RBBP8: variants seen among roughly 807,000 people sequenced by gnomAD.
RBBP8 encodes the protein DNA endonuclease RBBP8.
RBBP8 carries 88 observed loss-of-function variants against 108.3 expected under a neutral mutation model. The observed-to-expected ratio is 0.81, with a 90% confidence interval of 0.68 to 0.97. RBBP8 has a LOEUF of 0.97. Ranked by LOEUF, RBBP8 falls within the 50% of genes least tolerant of loss-of-function variation. The probability of loss-of-function intolerance (pLI) is 0.00; values close to 1 mark genes in which losing one functional copy is unlikely to be tolerated. For missense variants in RBBP8, 1,023 were observed against 1,049.0 expected (o/e 0.98, Z 0.34); for synonymous variants, 332 against 348.2 (o/e 0.95, Z 0.52).
At chr18:22,996,870 A>G (rs2045868545) in intron 13 of RBBP8, among the ~76,000 whole-genome samples, 1 of 152,090 alleles carries the variant, frequency 6.6e-6, no homozygotes, top group Admixed American at 6.6e-5. Context: ...GGCAGTGCAT[A>G]CCTGTAGTCC....
At chr18:22,986,193 A>G (rs1915315648) in intron 8 of RBBP8, among the ~76,000 whole-genome samples, 1 of 152,114 alleles carries the variant, frequency 6.6e-6, no homozygotes, top group Admixed American at 6.6e-5. Flanking sequence ...GGAACCAACA[A>G]AACAGAGAAG....
At chr18:23,023,032 G>A (rs2054294866) in intron 18 of RBBP8, among the ~76,000 whole-genome samples, 1 of 151,690 alleles carries the variant, frequency 6.6e-6, no homozygotes, top group African/African-American at 2.4e-5. Flanking sequence ...AAGTAGCTAG[G>A]ACTACAGCCT....
chr18:22,978,228 A>G (rs753644000), intron 6 of RBBP8, among the ~76,000 whole-genome samples: 7 of 152,222 alleles, frequency 4.6e-5, no homozygotes, highest in Non-Finnish European at 8.8e-5. Context: ...GAAGAAACCA[A>G]CTAAAACAGT....
chr18:22,950,913 T>A (rs924276534), intron 4 of RBBP8, among the ~76,000 whole-genome samples: 6 of 152,178 alleles, frequency 3.9e-5, no homozygotes, highest in Non-Finnish European at 8.8e-5. Flanking sequence ...CTTAAAAAAA[T>A]TTTTTTCTTG....
intron 4 of RBBP8, among the ~76,000 whole-genome samples, chr18:22,963,719 G>C (rs746898041): frequency 6.6e-6 from 1 of 151,928 alleles, no homozygotes; most frequent in African/African-American, 2.4e-5. Flanking sequence ...TTTCTGAGAC[G>C]GAGTGTATGA....
chr18:23,022,091 ATTC>A (rs1052011407), intron 17 of RBBP8, 35 bp from the exon 18 acceptor site: 1 of 1,480,602 alleles, frequency 6.8e-7, no homozygotes, highest in African/African-American at 1.4e-5. Flanking sequence ...TCCATTTATT[ATTC>A]TTTAGTGAAA....
At chr18:23,011,207 A>G (rs1221414846) in intron 16 of RBBP8, among the ~76,000 whole-genome samples, 1 of 152,154 alleles carries the variant, frequency 6.6e-6, no homozygotes, top group Non-Finnish European at 1.5e-5. Context: ...TTACACTTCT[A>G]TTTAAGGTAT....
intron 7 of RBBP8, among the ~76,000 whole-genome samples, chr18:22,984,320 A>G (rs151045663): frequency 2.0e-3 from 305 of 152,336 alleles, no homozygotes; most frequent in Middle Eastern, 0.017. Flanking sequence ...CCGAAAATAG[A>G]AACTCTAAAA....
intron 15 of RBBP8, among the ~76,000 whole-genome samples, chr18:23,002,551 A>G (rs890945466): frequency 2.0e-5 from 3 of 152,222 alleles, no homozygotes; most frequent in Non-Finnish European, 4.4e-5. Context: ...CAGTAACTTT[A>G]TAATGTAGGA....
At chr18:22,980,186 T>C (rs1598698918) in intron 6 of RBBP8, among the ~76,000 whole-genome samples, 1 of 151,884 alleles carries the variant, frequency 6.6e-6, no homozygotes, top group Non-Finnish European at 1.5e-5. Flanking sequence ...GCAGAGGTTG[T>C]AGTGAGCCGA....
chr18:23,005,960 G>A (rs537163521), intron 15 of RBBP8, among the ~76,000 whole-genome samples: 3 of 151,972 alleles, frequency 2.0e-5, no homozygotes, highest in East Asian at 2.0e-4. Flanking sequence ...GCCGAGGCGG[G>A]CGGATCATGA....
intron 6 of RBBP8, among the ~76,000 whole-genome samples, chr18:22,978,749 G>C (rs1914672704): frequency 6.6e-6 from 1 of 152,096 alleles, no homozygotes. Context: ...TACAGGAAGA[G>C]ATTAAAAAAT....
In RBBP8 at chr18:22,945,457, A is replaced by T. The variant is rs146855605; in HGVS notation, c.110-987A>T. ...CGCTGGAGTGCAATGGCGGGATCTC[A>T]GCTCACCGCAGCCTCTGCCTCCCGG... On this transcript the variant is annotated intron_variant, in intron 2 of 18. Transcript: ENST00000327155. Among the ~76,000 whole-genome samples, 174 of 151,870 alleles carry T rather than the reference A, an allele frequency of 1.1e-3. 1 individual carries two copies. In the East Asian group the frequency reaches 0.03, roughly 26 times the overall value.
chr18:22,962,418 C>T (rs570948377), intron 4 of RBBP8, among the ~76,000 whole-genome samples: 26 of 152,254 alleles, frequency 1.7e-4, no homozygotes, highest in Admixed American at 6.5e-4. Context: ...TACATCTCCT[C>T]GCAAATGTTA....
At chr18:23,003,546 T>G (rs1567993610) in intron 15 of RBBP8, among the ~76,000 whole-genome samples, 1 of 152,208 alleles carries the variant, frequency 6.6e-6, no homozygotes, top group Non-Finnish European at 1.5e-5. Context: ...ATTGTATGTC[T>G]GGAACTTAGC....
At chr18:22,926,321 G>T (rs1471861633) in intron 3 of RBBP8, among the ~76,000 whole-genome samples, 1 of 152,208 alleles carries the variant, frequency 6.6e-6, no homozygotes, top group Non-Finnish European at 1.5e-5. Flanking sequence ...TACTCAAGAT[G>T]CTGAGGCAGG....
intron 18 of RBBP8, chr18:23,024,756 G>A (rs1176071943): frequency 6.6e-6 from 1 of 152,178 alleles, no homozygotes; most frequent in Non-Finnish European, 1.5e-5. Flanking sequence ...GTATGTGATT[G>A]AAAAGTATAG....
upstream of RBBP8, among the ~76,000 whole-genome samples, chr18:22,931,395 T>G (rs1024306994): frequency 6.6e-6 from 1 of 152,166 alleles, no homozygotes; most frequent in Non-Finnish European, 1.5e-5. Flanking sequence ...TGGAAGCCAC[T>G]GAAAGGGTTT....
intron 2 of RBBP8, among the ~76,000 whole-genome samples, chr18:22,939,804 AT>A (rs1165618522): frequency 6.6e-6 from 1 of 152,208 alleles, no homozygotes; most frequent in Non-Finnish European, 1.5e-5. Context: ...ATCTGAAAAC[AT>A]GAAGGAAGAA....
Sources: allele counts gnomAD v4.1 joint callset (sites outside exome capture counted in the v4.1 genomes callset), GRCh38; gene constraint gnomAD v4.1.1; transcripts MANE v1.5; gene names NCBI Gene and HGNC (gene_info 2026-07-23, HGNC 2026-07-21).